Variants in METTL9 observed in about 807,000 individuals in gnomAD.
The protein encoded by METTL9 is methyltransferase 9, His-X-His N1(pi)-histidine.
Under a neutral mutation model 36.0 loss-of-function variants are expected in METTL9, and 10 were observed. The ratio of observed to expected loss-of-function variants is 0.28; its 90% CI spans 0.17 to 0.47. The LOEUF (loss-of-function observed/expected upper bound fraction) is 0.47. METTL9 is among the 20% of genes least tolerant of loss of function. The pLI, the probability that METTL9 is intolerant of heterozygous loss-of-function variation, is 0.99. For synonymous variants in METTL9, 175 were observed against 149.7 expected, an observed-to-expected ratio of 1.17 and a Z score of -1.23; for missense variants, 246 against 383.5, an observed-to-expected ratio of 0.64 and a Z score of 3.00.
At chr16:21,597,378 C>A, upstream of METTL9, 2 of 950,194 alleles carry the variant, frequency 2.1e-6, no homozygotes, top group Non-Finnish European at 2.9e-6. Flanking sequence ...CCTGTGCCTG[C>A]TAAATGTAAA....
chr16:21,634,483 G>GC (rs1415607749), intron 4 of METTL9, among the ~76,000 whole-genome samples: 1 of 152,142 alleles, frequency 6.6e-6, no homozygotes, highest in African/African-American at 2.4e-5. Flanking sequence ...TTGATAACAA[G>GC]CCCTACCGGG....
At chr16:21,638,481 A>G (rs1342399762) in intron 4 of METTL9, among the ~76,000 whole-genome samples, 1 of 152,178 alleles carries the variant, frequency 6.6e-6, no homozygotes, top group Non-Finnish European at 1.5e-5. Flanking sequence ...CTGAAGGAAC[A>G]TTTTTCTATA....
intron 4 of METTL9, among the ~76,000 whole-genome samples, chr16:21,629,698 C>T (rs975475803): frequency 6.6e-6 from 1 of 152,128 alleles, no homozygotes; most frequent in Admixed American, 6.5e-5. Flanking sequence ...TTGCAAAGAA[C>T]GAAAGAACAA....
chr16:21,601,691 GTTTCAGATACGTTTA>G (rs1965131224), intron 1 of METTL9, among the ~76,000 whole-genome samples: 1 of 151,514 alleles, frequency 6.6e-6, no homozygotes, highest in South Asian at 2.1e-4. Context: ...ACTAATACTG[GTTTCAGATACGTTTA>G]TTTCAGATAC....
chr16:21,621,992 G>T (rs1051605116), intron 3 of METTL9, among the ~76,000 whole-genome samples: 1 of 151,136 alleles, frequency 6.6e-6, no homozygotes, highest in Non-Finnish European at 1.5e-5. Context: ...ACAGGCGCAT[G>T]CTGCCACGCC....
At chr16:21,649,378 C>A (rs931893530) in intron 4 of METTL9, among the ~76,000 whole-genome samples, 3 of 152,104 alleles carry the variant, frequency 2.0e-5, no homozygotes, top group Non-Finnish European at 4.4e-5. Flanking sequence ...GCAAACCAGA[C>A]AAGAGGGTGC....
Position 21,599,946 on chromosome 16 carries a change from T to C in METTL9, c.165+48T>C. 1 of 1,275,426 alleles carries C rather than the reference T, an allele frequency of 7.8e-7. No individual in the cohort carries two copies. Among genetic ancestry groups the C allele is most frequent in the Non-Finnish European group, 9.9e-7 (1 of 1,014,204 alleles). The allele number at this position is 1,275,426 out of a possible 1,614,324, so 79.0% of individuals were successfully genotyped here. A position where few individuals can be genotyped will look rare whatever the true frequency, so the allele number is the denominator to read the frequency against. On this transcript the variant is annotated intron_variant, in intron 1 of 4. Transcript: ENST00000358154. The surrounding 1 kb of genome is among the most constrained non-coding windows in gnomAD (Gnocchi z 4.4). ...GGGCGGGGGCGTGGCGGCCCGGCCT[T>C]CCCGCGCTGGGCCCGGCTATTGTGC...
At chr16:21,618,474 C>T (rs1480206127) in intron 3 of METTL9, among the ~76,000 whole-genome samples, 1 of 152,124 alleles carries the variant, frequency 6.6e-6, no homozygotes, top group African/African-American at 2.4e-5. Context: ...CTATTCATCT[C>T]CAGAAATTTT....
At chr16:21,641,260 G>A (rs951818297) in intron 4 of METTL9, 5 of 240,430 alleles carry the variant, frequency 2.1e-5, no homozygotes, top group Non-Finnish European at 3.2e-5. Context: ...CACATCTCAT[G>A]TTGAATGAAA....
At chr16:21,616,870 T>C (rs1965566330) in intron 2 of METTL9, among the ~76,000 whole-genome samples, 1 of 152,194 alleles carries the variant, frequency 6.6e-6, no homozygotes, top group African/African-American at 2.4e-5. Flanking sequence ...CTGTGTTAGC[T>C]TGTCATCTTT....
intron 3 of METTL9, among the ~76,000 whole-genome samples, chr16:21,619,630 G>T (rs904792881): frequency 2.0e-5 from 3 of 149,596 alleles, no homozygotes; most frequent in African/African-American, 7.4e-5. Context: ...TAGAGACAGG[G>T]TTTCACTATG....
chr16:21,602,822 T>C (rs1965171896), intron 1 of METTL9, among the ~76,000 whole-genome samples: 1 of 152,040 alleles, frequency 6.6e-6, no homozygotes, highest in South Asian at 2.1e-4. Context: ...CACGCCCAGA[T>C]AATTTTTGTA....
rs1345591026 is a variant in METTL9, at chr16:21,599,781, G to A, written c.48G>A (p.Trp16Ter). The change falls in exon 1 of 5, where the codon TGG becomes TGA. Residue 16 changes from tryptophan (W) to a stop codon, truncating the protein, a stop_gained. Transcript: ENST00000358154. LOFTEE classifies it high-confidence loss of function. The surrounding 1 kb of genome is among the most constrained non-coding windows in gnomAD (Gnocchi z 4.4). Reference sequence around the variant, plus strand: ...TGTGCCTGAGCCTGGCGTCCGTGTGGCTGGCGCGGAGGATGTGGACGCTGC... The same window carrying A: ...TGTGCCTGAGCCTGGCGTCCGTGTGACTGGCGCGGAGGATGTGGACGCTGC... ...GWLCLSLASVWLARRMWTLRS... is the reference protein window; with the variant it reads ...GWLCLSLASV 1.3e-6 allele frequency: 2 copies of A among 1,548,076 alleles called. No individual in the cohort carries two copies. The highest frequency in any genetic ancestry group is 3.8e-5 in the Admixed American group (2 of 52,874).
intron 1 of METTL9, among the ~76,000 whole-genome samples, chr16:21,608,143 C>T (rs991042814): frequency 2.7e-5 from 4 of 149,136 alleles, no homozygotes; most frequent in Admixed American, 1.3e-4. Flanking sequence ...AGCAAGACTC[C>T]GTCTCAAAAA....
At chr16:21,619,439 T>C (rs1341458628) in intron 3 of METTL9, among the ~76,000 whole-genome samples, 20 of 139,830 alleles carry the variant, frequency 1.4e-4, no homozygotes, top group African/African-American at 5.0e-4. Flanking sequence ...TTTTTTTTTT[T>C]CTGGAGATGA....
chr16:21,631,954 T>G (rs1459301430), intron 4 of METTL9, among the ~76,000 whole-genome samples: 2 of 152,200 alleles, frequency 1.3e-5, no homozygotes, highest in East Asian at 3.8e-4. Flanking sequence ...GACTCCCTCT[T>G]TGTCTCTGTC....
intron 4 of METTL9, chr16:21,643,502 C>T: frequency 1.6e-6 from 2 of 1,249,172 alleles, no homozygotes; most frequent in Non-Finnish European, 2.3e-6. Context: ...GAAATCGTTA[C>T]AACCAGCCAC....
At chr16:21,651,406 T>C (rs1966572457) in intron 4 of METTL9, among the ~76,000 whole-genome samples, 1 of 151,840 alleles carries the variant, frequency 6.6e-6, no homozygotes, top group Admixed American at 6.6e-5. Flanking sequence ...GTGATCCTCC[T>C]GCCTCAGCCT....
intron 4 of METTL9, chr16:21,654,218 A>G (rs959757066): frequency 6.7e-5 from 10 of 149,942 alleles, no homozygotes; most frequent in African/African-American, 2.5e-4. Flanking sequence ...ATTTTTTTGT[A>G]TTTTTTTTAG....
Sources: allele counts gnomAD v4.1 joint callset (sites outside exome capture counted in the v4.1 genomes callset), GRCh38; gene constraint gnomAD v4.1.1; non-coding constraint Gnocchi (gnomAD v3.1); transcripts MANE v1.5; gene names NCBI Gene and HGNC (gene_info 2026-07-23, HGNC 2026-07-21).